Variants in ZNF540 observed in about 807,000 individuals in gnomAD.
The protein encoded by ZNF540 is CTD-3064H18.6.
Under a neutral mutation model 11.8 loss-of-function variants are expected in ZNF540, and 3 were observed. That is an observed-to-expected ratio of 0.25 (90% CI 0.12 to 0.65). The LOEUF is 0.65. ZNF540 is among the 30% of genes least tolerant of loss of function. The pLI is 0.83. For missense variants in ZNF540, 709 were observed against 793.1 expected, an observed-to-expected ratio of 0.89 and a Z score of 1.27; for synonymous variants, 247 against 259.0, an observed-to-expected ratio of 0.95 and a Z score of 0.45.
At chr19:37,600,748 A>G (rs769545225) in intron 3 of ZNF540, among the ~76,000 whole-genome samples, 7 of 152,136 alleles carry the variant, frequency 4.6e-5, no homozygotes, top group African/African-American at 7.2e-5. Context: ...CTGCCTCTCA[A>G]TAGAGCCAGT....
chr19:37,586,962 G>T (rs1325753585), intron 1 of ZNF540: 3 of 421,152 alleles, frequency 7.1e-6, no homozygotes, highest in Non-Finnish European at 1.3e-5. Context: ...CTTTCCCATG[G>T]CATCTCCTCT....
chr19:37,582,145 A>G (rs2043492765), intron 1 of ZNF540, among the ~76,000 whole-genome samples: 1 of 152,162 alleles, frequency 6.6e-6, no homozygotes, highest in African/African-American at 2.4e-5. Flanking sequence ...CTGGTGAGTT[A>G]ATTCACTGTC....
At chr19:37,555,963 T>G (rs1184399041) in intron 1 of ZNF540, 2 of 700,930 alleles carry the variant, frequency 2.9e-6, no homozygotes. Flanking sequence ...GCAGAAAAAC[T>G]GGTAAGTATC....
At chr19:37,590,933 AATT>A (rs1207709058), upstream of ZNF540, among the ~76,000 whole-genome samples, 2 of 152,242 alleles carry the variant, frequency 1.3e-5, no homozygotes, top group Non-Finnish European at 2.9e-5. Context: ...GTTTTCAAAC[AATT>A]ATATTTTAGA....
At chr19:37,579,868 C>A (rs1235409746) in intron 1 of ZNF540, among the ~76,000 whole-genome samples, 2 of 151,998 alleles carry the variant, frequency 1.3e-5, no homozygotes, top group Admixed American at 1.3e-4. Context: ...CAATTTTAGG[C>A]CAACATTTAT....
intron 1 of ZNF540, chr19:37,565,436 C>T: frequency 1.2e-6 from 2 of 1,612,850 alleles, no homozygotes; most frequent in Non-Finnish European, 1.7e-6. Context: ...AGGCTTTTCA[C>T]CAGTATGAAC....
chr19:37,568,676 A>T (rs1214084910), intron 1 of ZNF540, among the ~76,000 whole-genome samples: 1 of 152,202 alleles, frequency 6.6e-6, no homozygotes, highest in Non-Finnish European at 1.5e-5. Flanking sequence ...AAAGTCTCAG[A>T]ACTGTGCCCA....
chr19:37,585,447 T>C (rs1360717284), intron 1 of ZNF540: 2 of 152,232 alleles, frequency 1.3e-5, no homozygotes, highest in Admixed American at 6.5e-5. Flanking sequence ...CTGATAAGAA[T>C]AGGCTGATGG....
chr19:37,605,832 A>G (rs2044081386), intron 4 of ZNF540, among the ~76,000 whole-genome samples: 1 of 152,292 alleles, frequency 6.6e-6, no homozygotes, highest in African/African-American at 2.4e-5. Context: ...ACTAGTGATG[A>G]GCATATTTTC....
At chr19:37,609,572 G>A (rs916870775) in intron 4 of ZNF540, among the ~76,000 whole-genome samples, 3 of 151,614 alleles carry the variant, frequency 2.0e-5, no homozygotes, top group Non-Finnish European at 4.4e-5. Flanking sequence ...GAGTGGCCGG[G>A]CGCAGTGGCT....
At chr19:37,611,373 T>TA (rs1400004374) in intron 4 of ZNF540, 140 bp from the exon 5 acceptor site, 3 of 655,198 alleles carry the variant, frequency 4.6e-6, no homozygotes, top group Admixed American at 3.5e-5. Context: ...TCAAATTATA[T>TA]AACTTTATTG....
At chr19:37,594,044 C>G (rs1252517061), upstream of ZNF540, 1 of 152,166 alleles carries the variant, frequency 6.6e-6, no homozygotes, top group Non-Finnish European at 1.5e-5. Flanking sequence ...CATAGAACAT[C>G]AGAGCTCTCG....
At chr19:37,560,232 T>G (rs2042702228) in intron 1 of ZNF540, among the ~76,000 whole-genome samples, 1 of 150,326 alleles carries the variant, frequency 6.7e-6, no homozygotes, top group South Asian at 2.1e-4. Context: ...GAGCTGAGAT[T>G]GCGCCACTGC....
intron 1 of ZNF540, among the ~76,000 whole-genome samples, chr19:37,583,261 G>T (rs1293519499): frequency 1.3e-5 from 2 of 152,182 alleles, no homozygotes; most frequent in Non-Finnish European, 2.9e-5. Context: ...GTATGTGCTG[G>T]CTAGAGATAC....
chr19:37,581,870 G>A (rs1395255064), intron 1 of ZNF540, among the ~76,000 whole-genome samples: 1 of 150,932 alleles, frequency 6.6e-6, no homozygotes, highest in African/African-American at 2.4e-5. Context: ...TGAACCAGGA[G>A]AATGGCAAAA....
intron 1 of ZNF540, among the ~76,000 whole-genome samples, chr19:37,573,602 G>A (rs567277209): frequency 9.9e-5 from 15 of 151,766 alleles, no homozygotes; most frequent in African/African-American, 3.6e-4. Flanking sequence ...TGAGTCAGGA[G>A]GATCGCTTGG....
intron 1 of ZNF540, among the ~76,000 whole-genome samples, chr19:37,576,320 CA>C: frequency 6.6e-6 from 1 of 152,164 alleles, no homozygotes; most frequent in South Asian, 2.1e-4. Context: ...ACTCTATAAA[CA>C]AATAGGTTTG....
At chr19:37,562,220 TAAAAAC>T (rs146134375) in intron 1 of ZNF540, among the ~76,000 whole-genome samples, 209 of 152,136 alleles carry the variant, frequency 1.4e-3, no homozygotes, top group Non-Finnish European at 2.6e-3. Context: ...CTGCCTCTAC[TAAAAAC>T]ACAAAATTAG....
intron 4 of ZNF540, among the ~76,000 whole-genome samples, chr19:37,604,483 A>G (rs1040499984): frequency 6.6e-6 from 1 of 150,854 alleles, no homozygotes; most frequent in Non-Finnish European, 1.5e-5. Context: ...AAGTTTTTGT[A>G]TTTTTAGCAG....
Sources: gnomAD v4.1 joint callset for allele counts (sites outside exome capture counted in the v4.1 genomes callset) on GRCh38, gnomAD v4.1.1 for gene constraint, MANE v1.5 for transcripts, NCBI Gene and HGNC (gene_info 2026-07-23, HGNC 2026-07-21) for gene names.